CLHC1: variants seen among roughly 807,000 people sequenced by gnomAD.
The protein encoded by CLHC1 is clathrin heavy chain linker domain-containing protein 1.
In CLHC1, 72 loss-of-function variants were observed where a neutral mutation model predicts 69.5. The observed-to-expected ratio is 1.04, with a 90% CI of 0.86 to 1.26. The LOEUF (loss-of-function observed/expected upper bound fraction) is 1.26, where lower values mean the gene tolerates loss of function less well. Ranked by LOEUF, CLHC1 falls within the 50% of genes most tolerant of loss-of-function variation. The pLI is 0.00. For missense variants in CLHC1, 790 were observed against 679.3 expected (o/e 1.16, Z -1.81); for synonymous variants, 223 against 224.3 (o/e 0.99, Z 0.05).
chr2:55,211,488 C>A (rs1331714512), intron 5 of CLHC1, among the ~76,000 whole-genome samples: 26 of 122,642 alleles, frequency 2.1e-4, no homozygotes, highest in Middle Eastern at 5.2e-3. Flanking sequence ...GGTGACAGAG[C>A]GAGACTATGT....
At chr2:55,222,120 G>A (rs1437389) in intron 3 of CLHC1, 115 bp downstream of exon 3, 693,900 of 722,324 alleles carry the variant, frequency 0.96, 333,665 homozygotes, top group Admixed American at 0.98. Flanking sequence ...CTCAAAATCA[G>A]CAAATGGAAT....
At position 55,181,678 on chromosome 2, in the gene CLHC1, C is replaced by G. The variant is rs375741697; in HGVS notation, c.1073G>C (p.Ser358Thr). 1 of 1,613,758 alleles carries G rather than the reference C, an allele frequency of 6.2e-7. No homozygotes were observed. Among genetic ancestry groups the G allele is most frequent in the African/African-American group, 1.3e-5 (1 of 74,898 alleles). Residue 358 changes from serine (S) to threonine (T), a missense_variant, in exon 10 of 13, where the codon AGT becomes ACT. Physicochemically the swap from Ser to Thr is moderately conservative, Grantham distance 58. Coordinates refer to ENST00000401408, the MANE Select transcript of CLHC1 (RefSeq NM_152385.4). ...ATCAACAGGACATGGAAAAGCATGA[C>G]TTGTGATAAAGAGGGCCTCAAAAAA... Reference protein sequence around the residue: ...LLFFEALFITSHAFPCPVDAA... With the variant: ...LLFFEALFITTHAFPCPVDAA...
chr2:55,181,522 T>G (rs377416467), intron 10 of CLHC1, 48 bp downstream of exon 10: 3 of 1,405,300 alleles, frequency 2.1e-6, no homozygotes. Context: ...AACAAACAAC[T>G]TTATTAACGA....
At position 55,175,744 on chromosome 2, in the gene CLHC1, T is replaced by C. The variant is rs1669324429; in HGVS notation, c.*46A>G. On this transcript the variant is annotated 3_prime_UTR_variant, in exon 13 of 13. Transcript: ENST00000401408. ...TAAAATCAGTTTTTCCCAACCAGCA[T>C]ACATAAGGTGTTGTACAAGCTCCCT... 3.6e-6 allele frequency: 5 copies of C among 1,388,798 alleles called. No homozygotes were observed. The highest frequency in any genetic ancestry group is 1.8e-4 in the Middle Eastern group (1 of 5,486). 86.0% of individuals were successfully genotyped at this position (1,388,798 alleles called of 1,614,324 possible). A position where few individuals can be genotyped will look rare whatever the true frequency, so the allele number is the denominator to read the frequency against.
chr2:55,217,515 C>A (rs1442615729), intron 4 of CLHC1, among the ~76,000 whole-genome samples: 1 of 58,026 alleles, frequency 1.7e-5, no homozygotes, highest in Non-Finnish European at 3.0e-5. Flanking sequence ...AAGAGTGAAA[C>A]CCTGTCTCAA....
intron 5 of CLHC1, 56 bp from the exon 6 acceptor site, chr2:55,209,887 T>C (rs1471228813): frequency 2.1e-5 from 24 of 1,136,862 alleles, no homozygotes; most frequent in Non-Finnish European, 1.3e-6. Context: ...ACGCTTGTGC[T>C]CAAAGAGCAA....
At chr2:55,230,060 G>A (rs771573144) in intron 1 of CLHC1, among the ~76,000 whole-genome samples, 1 of 152,066 alleles carries the variant, frequency 6.6e-6, no homozygotes, top group Non-Finnish European at 1.5e-5. Context: ...CAACAACAGC[G>A]AAACTCCATC....
intron 9 of CLHC1, among the ~76,000 whole-genome samples, chr2:55,189,750 G>A (rs759235368): frequency 2.0e-4 from 30 of 152,182 alleles, no homozygotes; most frequent in East Asian, 5.8e-4. Flanking sequence ...AGCACATACC[G>A]GTGAGGAAGC....
chr2:55,208,651 C>T lies in CLHC1; in HGVS notation c.874G>A (p.Glu292Lys), dbSNP rs1292886795. 1 of 1,610,594 alleles carries T rather than the reference C, an allele frequency of 6.2e-7. No individual in the cohort carries two copies. The highest frequency in any genetic ancestry group is 8.5e-7 in the Non-Finnish European group (1 of 1,177,162). ...CTTTCAATGTAGTGAAGCATAATTT[C>T]AGCTTCTTTTGCCCTGCGTGGATCA... ...EDDPRRAKEA[E>K]IMLHYIERFN... The change falls in exon 8 of 13, where the codon GAA becomes AAA. Residue 292 changes from glutamate to lysine, a missense_variant. Physicochemically the swap from Glu to Lys is moderately conservative, Grantham distance 56 (BLOSUM62 1). Transcript: ENST00000401408.
intron 9 of CLHC1, among the ~76,000 whole-genome samples, chr2:55,186,757 A>C (rs535362933): frequency 6.6e-6 from 1 of 152,314 alleles, no homozygotes; most frequent in South Asian, 2.1e-4. Context: ...CCTGGATGAC[A>C]GAGTGAGACC....
At position 55,222,384 on chromosome 2, in the gene CLHC1, C is replaced by T; in HGVS notation, c.28G>A (p.Ala10Thr). 1 of 1,613,490 alleles carries T rather than the reference C, an allele frequency of 6.2e-7. No individual in the cohort carries two copies. Among genetic ancestry groups the T allele is most frequent in the Non-Finnish European group, 8.5e-7 (1 of 1,179,852 alleles). Residue 10 changes from alanine to threonine, a missense_variant, in exon 3 of 13, where the codon GCA becomes ACA. Coordinates refer to ENST00000401408, the MANE Select transcript of CLHC1 (RefSeq NM_152385.4). ...CTACAAATGATAGGTGGGAGAACTG[C>T]ATGTTTTCTTATTTGATGAACTGAC... MSVHQIRKH[A>T]VLPPIICRSD...
intron 8 of CLHC1, among the ~76,000 whole-genome samples, chr2:55,207,859 A>T (rs1404753741): frequency 1.3e-5 from 2 of 152,204 alleles, no homozygotes; most frequent in African/African-American, 4.8e-5. Context: ...ACACAGAATA[A>T]CATTTTGTTA....
rs1428920198 is a variant in CLHC1, at chr2:55,174,236, G to A, written c.*1554C>T. ...TAAAAATGCTACGTTTTAGAAAGCTGAATTATAATTATCCAGTATTCTATT... is the reference window on the plus strand; with the variant it reads ...TAAAAATGCTACGTTTTAGAAAGCTAAATTATAATTATCCAGTATTCTATT... On this transcript the variant is annotated 3_prime_UTR_variant, in exon 13 of 13. Transcript: ENST00000401408. Among the ~76,000 whole-genome samples, 3 of 152,128 alleles carry A rather than the reference G, an allele frequency of 2.0e-5. No individual in the cohort carries two copies. Among genetic ancestry groups the A allele is most frequent in the African/African-American group, 7.2e-5 (3 of 41,430 alleles).
At chr2:55,179,387 GA>G (rs1258977355) in intron 11 of CLHC1, among the ~76,000 whole-genome samples, 2 of 151,722 alleles carry the variant, frequency 1.3e-5, no homozygotes, top group Non-Finnish European at 2.9e-5. Context: ...GATAATCCAT[GA>G]AAAAAAGCCT....
At chr2:55,194,188 T>C (rs552126236) in intron 9 of CLHC1, among the ~76,000 whole-genome samples, 3 of 152,154 alleles carry the variant, frequency 2.0e-5, no homozygotes, top group Non-Finnish European at 4.4e-5. Context: ...TGTTCTAAAA[T>C]TAGGTTATGG....
At chr2:55,197,300 G>A (rs1671518469) in intron 9 of CLHC1, among the ~76,000 whole-genome samples, 1 of 152,298 alleles carries the variant, frequency 6.6e-6, no homozygotes, top group Admixed American at 6.5e-5. Flanking sequence ...AAACAAGCCT[G>A]GATGGCTTCA....
At chr2:55,202,331 G>A (rs186936663) in intron 9 of CLHC1, among the ~76,000 whole-genome samples, 20 of 151,532 alleles carry the variant, frequency 1.3e-4, no homozygotes, top group East Asian at 3.9e-4. Flanking sequence ...CGAGGTGTGC[G>A]GATCACCTGA....
At chr2:55,205,302 G>T (rs1471194276) in intron 9 of CLHC1, among the ~76,000 whole-genome samples, 4 of 151,872 alleles carry the variant, frequency 2.6e-5, no homozygotes, top group Admixed American at 6.6e-5. Context: ...ATATGAAAAA[G>T]ACACCTGCAT....
chr2:55,200,047 GA>G (rs1212941173), intron 9 of CLHC1, among the ~76,000 whole-genome samples: 2 of 151,888 alleles, frequency 1.3e-5, no homozygotes, highest in Non-Finnish European at 2.9e-5. Context: ...AACATGGTGA[GA>G]CCTTGTCTCC....
Sources: allele counts gnomAD v4.1 joint callset (sites outside exome capture counted in the v4.1 genomes callset), GRCh38; gene constraint gnomAD v4.1.1; transcripts MANE v1.5; gene names NCBI Gene and HGNC (gene_info 2026-07-23, HGNC 2026-07-21).